PLEC: variants seen among roughly 807,000 people sequenced by gnomAD.
The protein encoded by PLEC is hemidesmosomal protein 1.
Under a neutral mutation model 392.8 loss-of-function variants are expected in PLEC, and 216 were observed. The ratio of observed to expected loss-of-function variants is 0.55; its 90% CI spans 0.49 to 0.62. PLEC has a LOEUF of 0.62. Among genes scored for constraint, PLEC ranks in the 20% least tolerant of loss-of-function variants. The pLI, the probability that PLEC is intolerant of heterozygous loss-of-function variation, is 0.00. For synonymous variants in PLEC, 3,621 were observed against 2,980.6 expected, an observed-to-expected ratio of 1.21 and a Z score of -7.00; for missense variants, 6,863 against 6,563.4, an observed-to-expected ratio of 1.05 and a Z score of -1.58.
In PLEC at chr8:143,924,953, T is replaced by C. The variant is rs1824436273; in HGVS notation, c.4976A>G (p.Gln1659Arg). ...CTCCTTCTGCTTCTCAGCCTCGGCC[T>C]GCGCCAGGCTCTTCTGCTGCGCCAC... Reference protein sequence around the residue: ...EEVAQQKSLAQAEAEKQKEEA... With the variant: ...EEVAQQKSLARAEAEKQKEEA... Residue 1659 changes from glutamine to arginine, a missense_variant, in exon 31 of 32, where the codon CAG becomes CGG. Physicochemically the swap from Gln to Arg is conservative, Grantham distance 43. Coordinates refer to ENST00000345136, the MANE Select transcript of PLEC (RefSeq NM_201384.3). The C allele has an allele frequency of 6.3e-7, 1 of 1,580,350 alleles. No homozygotes were observed. Among genetic ancestry groups the C allele is most frequent in the South Asian group, 1.1e-5 (1 of 88,290 alleles).
Position 143,920,553 on chromosome 8 carries a change from C to T in PLEC, c.9268G>A (p.Glu3090Lys), listed in dbSNP as rs543632870. The T allele has an allele frequency of 5.6e-6, 9 of 1,611,414 alleles. No individual in the cohort carries two copies. Among genetic ancestry groups the T allele is most frequent in the South Asian group, 2.2e-5 (2 of 91,046 alleles). Residue 3090 changes from glutamate (E) to lysine (K), a missense_variant, in exon 32 of 32, where the codon GAG becomes AAG. Physicochemically the swap from Glu to Lys is moderately conservative, Grantham distance 56 (BLOSUM62 1). Coordinates refer to ENST00000345136, the MANE Select transcript of PLEC (RefSeq NM_201384.3). Reference sequence around the variant, plus strand: ...GCTGATAGCAGCTTCTCATGAAACTCGGGGCCCACCAGGCCAGCACGCACT... The same window carrying T: ...GCTGATAGCAGCTTCTCATGAAACTTGGGGCCCACCAGGCCAGCACGCACT... ...EAVRAGLVGP[E>K]FHEKLLSAEK... is the part of the protein sequence containing the mutation.
In PLEC at chr8:143,922,350, G is replaced by A. The variant is rs781827548; in HGVS notation, c.7471C>T (p.Leu2491=). 11 of 1,605,026 alleles carry A rather than the reference G, an allele frequency of 6.9e-6. No homozygotes were observed. Among genetic ancestry groups the A allele is most frequent in the South Asian group, 1.1e-5 (1 of 91,080 alleles). ...QEQLLQETQA[L]QQSFLSEKDS... ...TTTTCAGAGAGGAAGCTTTGCTGCA[G>A]GGCCTGCGTCTCCTGCAGCAGCTGC... Residue 2491 remains leucine (L), a synonymous_variant, in exon 32 of 32, where the codon CTG becomes TTG. Transcript: ENST00000345136.
Position 143,922,058 on chromosome 8 carries a change from G to C in PLEC, c.7763C>G (p.Ala2588Gly). The C allele has an allele frequency of 6.3e-7, 1 of 1,591,436 alleles. No homozygotes were observed. The highest frequency in any genetic ancestry group is 1.1e-5 in the South Asian group (1 of 89,994). The change falls in exon 32 of 32, where the codon GCT becomes GGT. Residue 2588 changes from alanine to glycine, a missense_variant. Physicochemically the swap from Ala to Gly is moderately conservative, Grantham distance 60. Coordinates refer to ENST00000345136, the MANE Select transcript of PLEC (RefSeq NM_201384.3). ...CTCACGCAGCCTCTGGTTCTCCTCAGCCAGCAGCTCCTCCTGCTGCCGCCG... is the reference window on the plus strand; with the variant it reads ...CTCACGCAGCCTCTGGTTCTCCTCACCCAGCAGCTCCTCCTGCTGCCGCCG... ...QQRRQQEELL[A>G]EENQRLREQL...
Position 143,930,193 on chromosome 8 carries a change from A to C in PLEC, c.2563T>G (p.Cys855Gly). 3 of 1,581,034 alleles carry C rather than the reference A, an allele frequency of 1.9e-6. No homozygotes were observed. Among genetic ancestry groups the C allele is most frequent in the Non-Finnish European group, 2.6e-6 (3 of 1,169,524 alleles). Residue 855 changes from cysteine (C) to glycine (G), a missense_variant, in exon 21 of 32, where the codon TGC (cysteine) becomes GGC (glycine). Cys to Gly is a radical substitution (Grantham distance 159, BLOSUM62 -3). Coordinates refer to ENST00000345136, the MANE Select transcript of PLEC (RefSeq NM_201384.3). ...TGGTTGGGCGGGGGCACCAGGAAGCACACGGAGGGCACGGCGGCCTCGCTG... is the reference window on the plus strand; with the variant it reads ...TGGTTGGGCGGGGGCACCAGGAAGCCCACGGAGGGCACGGCGGCCTCGCTG... ...SGSEAAVPSV[C>G]FLVPPPNQEA...
At position 143,921,519 on chromosome 8, in the gene PLEC, G is replaced by C. The variant is rs782013835; in HGVS notation, c.8302C>G (p.Leu2768Val). The change falls in exon 32 of 32, where the codon CTG becomes GTG. Residue 2768 changes from leucine (L) to valine (V), a missense_variant. By Grantham distance (32) the Leu-to-Val change is conservative. Transcript: ENST00000345136. ...CCAGTGACGGCGCGCTCGGCCGACA[G>C]CAGCTTGTGGTGCAGCTCGGGGCCC... Reference protein sequence around the residue: ...VVGPELHHKLLSAERAVTGYK... With the variant: ...VVGPELHHKLVSAERAVTGYK... 3 of 1,613,016 alleles carry C rather than the reference G, an allele frequency of 1.9e-6. No homozygotes were observed. The highest frequency in any genetic ancestry group is 2.5e-6 in the Non-Finnish European group (3 of 1,179,806).
At chr8:143,942,258 G>C (rs1245993451), upstream of PLEC, 24 of 1,037,114 alleles carry the variant, frequency 2.3e-5, no homozygotes, top group Non-Finnish European at 3.3e-5. Flanking sequence ...TCCGGAGCTC[G>C]GGGGCAAGGC....
Position 143,935,095 on chromosome 8 carries a change from G to GTC in PLEC, c.739_740dup (p.Asp247GlufsTer27). 2.5e-6 allele frequency: 4 copies of GTC among 1,612,982 alleles called. No individual in the cohort carries two copies. Among genetic ancestry groups the GTC allele is most frequent in the Non-Finnish European group, 3.4e-6 (4 of 1,179,958 alleles). ...AGACGTAGGTGATGATGGACTTCTC[G>GTC]TCGGGCTGAGGGACATCCACGTCTG... On this transcript the variant is annotated frameshift_variant, in exon 8 of 32. Coordinates refer to ENST00000345136, the MANE Select transcript of PLEC (RefSeq NM_201384.3). LOFTEE classifies it high-confidence loss of function.
Position 143,921,730 on chromosome 8 carries a change from A to C in PLEC, c.8091T>G (p.Ser2697Arg). Residue 2697 changes from serine (S) to arginine (R), a missense_variant, in exon 32 of 32, where the codon AGT becomes AGG. Transcript: ENST00000345136. ...DVRHYLQGRS[S>R]IAGLLLKATN... The stretch of plus-strand genomic sequence containing the variant: ...TGGCCTTCAGCAACAGCCCTGCGAT[A>C]CTGCTGCGGCCCTGCAGGTAGTGGC... 1 of 1,612,798 alleles carries C rather than the reference A, an allele frequency of 6.2e-7. No individual in the cohort carries two copies. Among genetic ancestry groups the C allele is most frequent in the Non-Finnish European group, 8.5e-7 (1 of 1,179,896 alleles).
upstream of PLEC, among the ~76,000 whole-genome samples, chr8:143,951,195 G>A (rs1035758948): frequency 2.6e-5 from 4 of 152,194 alleles, no homozygotes; most frequent in African/African-American, 9.6e-5. Context: ...GTCTAAAGAA[G>A]AGGGTGGCAG....
Position 143,924,442 on chromosome 8 carries a change from G to A in PLEC, c.5487C>T (p.Ala1829=), listed in dbSNP as rs781998103. 1.8e-4 allele frequency: 275 copies of A among 1,569,590 alleles called. No individual in the cohort carries two copies. The highest frequency in any genetic ancestry group is 6.3e-4 in the African/African-American group (46 of 72,922). ...LAEEDAARQR[A]EAERVLAEKL... is the part of the protein sequence containing the mutation. Reference sequence around the variant, plus strand: ...TCTCCGCAAGCACCCGCTCCGCCTCGGCCCGCTGCCGCGCCGCGTCTTCCT... The same window carrying A: ...TCTCCGCAAGCACCCGCTCCGCCTCAGCCCGCTGCCGCGCCGCGTCTTCCT... Residue 1829 remains alanine, a synonymous_variant, in exon 31 of 32, where the codon GCC becomes GCT. Coordinates refer to ENST00000345136, the MANE Select transcript of PLEC (RefSeq NM_201384.3).
Position 143,921,640 on chromosome 8 carries a change from G to A in PLEC, c.8181C>T (p.Leu2727=). Residue 2727 remains leucine (L), a synonymous_variant, in exon 32 of 32, where the codon CTC becomes CTT. Coordinates refer to ENST00000345136, the MANE Select transcript of PLEC (RefSeq NM_201384.3). ...QRQLLSPGTA[L]ILLEAQAASG... is the part of the protein sequence containing the mutation. ...AGGCCGCCTGCGCCTCCAGCAGGAT[G>A]AGGGCCGTGCCGGGACTCAGCAGCT... The A allele has an allele frequency of 1.9e-6, 3 of 1,613,062 alleles. No homozygotes were observed. The highest frequency in any genetic ancestry group is 2.2e-5 in the East Asian group (1 of 44,872).
At chr8:143,973,609 C>CAGGCG (rs1554745110), upstream of PLEC, 1 of 838,486 alleles carries the variant, frequency 1.2e-6, no homozygotes, top group African/African-American at 1.9e-5. This position sits in a 1 kb window ranked among gnomAD's most constrained non-coding sequence, Gnocchi z 5.6. Context: ...GGATGCCCCA[C>CAGGCG]GGGCGGGGCG....
intron 3 of PLEC, 92 bp from the exon 4 acceptor site, chr8:143,937,334 AG>A: frequency 1.1e-6 from 1 of 946,422 alleles, no homozygotes; most frequent in South Asian, 1.3e-5. Context: ...AACCGAGCCA[AG>A]GGTCTTCCCC....
In PLEC at chr8:143,969,557, G is replaced by T. The variant is rs917274432; in HGVS notation, c.70+3846C>A. On this transcript the variant is annotated intron_variant, in intron 1 of 31. Coordinates refer to the PLEC transcript ENST00000356346. The surrounding 1 kb of genome is among the most constrained non-coding windows in gnomAD (Gnocchi z 5.1). ...ATGGGAGCCTGGAGAGAGACCTGGG[G>T]TGGGTGTGGCAGGGCGGGGACAGTT... Among the ~76,000 whole-genome samples the T allele has an allele frequency of 8.3e-4, 126 of 152,334 alleles. No individual in the cohort carries two copies. The highest frequency in any genetic ancestry group is 7.9e-4 in the Non-Finnish European group (54 of 68,020).
intron 31 of PLEC, 40 bp from the exon 32 acceptor site, chr8:143,922,435 G>A: frequency 1.9e-6 from 3 of 1,600,494 alleles, no homozygotes; most frequent in Non-Finnish European, 1.7e-6. Flanking sequence ...CGCCAGCCCA[G>A]GAGCACCCAT....
chr8:143,941,555 G>T (rs1554728720), upstream of PLEC, among the ~76,000 whole-genome samples: 1 of 152,038 alleles, frequency 6.6e-6, no homozygotes, highest in African/African-American at 2.4e-5. Context: ...TGGGCTGGGG[G>T]CTCGGTCAGG....
At chr8:143,959,869 G>A (rs576743708) in intron 1 of PLEC, among the ~76,000 whole-genome samples, 15 of 152,256 alleles carry the variant, frequency 9.9e-5, no homozygotes, top group South Asian at 2.1e-4. Context: ...GGTGGCGGGC[G>A]CCTGTAGTCC....
upstream of PLEC, among the ~76,000 whole-genome samples, chr8:143,939,782 C>A (rs1830092545): frequency 6.6e-6 from 1 of 151,982 alleles, no homozygotes; most frequent in Non-Finnish European, 1.5e-5. Flanking sequence ...CCTCACCCAC[C>A]CCGACCACTG....
Position 143,918,794 on chromosome 8 carries a change from G to C in PLEC, c.11027C>G (p.Ala3676Gly). Residue 3676 changes from alanine (A) to glycine (G), a missense_variant, in exon 32 of 32, where the codon GCT becomes GGT. By Grantham distance (60) the Ala-to-Gly change is moderately conservative (BLOSUM62 0). Coordinates refer to ENST00000345136, the MANE Select transcript of PLEC (RefSeq NM_201384.3). The part of the protein sequence containing the change: ...LREGTRSLRE[A>G]LEAESAWCYL... ...GCACCAGGCGGACTCCGCCTCGAGA[G>C]CCTCACGGAGGCTCCTGGTGCCCTC... The C allele has an allele frequency of 6.2e-7, 1 of 1,613,168 alleles. No individual in the cohort carries two copies. Among genetic ancestry groups the C allele is most frequent in the Non-Finnish European group, 8.5e-7 (1 of 1,180,020 alleles).
Sources: gnomAD v4.1 joint callset for allele counts (sites outside exome capture counted in the v4.1 genomes callset) on GRCh38, gnomAD v4.1.1 for gene constraint, Gnocchi (gnomAD v3.1) non-coding constraint, MANE v1.5 for transcripts, NCBI Gene and HGNC (gene_info 2026-07-23, HGNC 2026-07-21) for gene names.